The following UGT1A4 variants were observed in gnomAD, a reference collection of about 807,000 sequenced individuals.
The protein encoded by UGT1A4 is UDP-glucuronosyltransferase 1A4.
Under a neutral mutation model 41.1 loss-of-function variants are expected in UGT1A4, and 32 were observed. The ratio of observed to expected loss-of-function variants is 0.78; its 90% CI spans 0.59 to 1.05. UGT1A4 has a LOEUF of 1.05. UGT1A4 is among the 50% of genes least tolerant of loss of function. The pLI is 0.00. For synonymous variants in UGT1A4, 283 were observed against 265.1 expected (o/e 1.07, Z -0.66); for missense variants, 748 against 677.4 (o/e 1.10, Z -1.16).
At chr2:233,720,365 G>T (rs920594093) in intron 1 of UGT1A4, among the ~76,000 whole-genome samples, 1 of 152,064 alleles carries the variant, frequency 6.6e-6, no homozygotes, top group Non-Finnish European at 1.5e-5. Flanking sequence ...ATGTCAAAAG[G>T]GTCTTCTACT....
At chr2:233,763,879 G>A (rs983056292) in intron 1 of UGT1A4, among the ~76,000 whole-genome samples, 2 of 152,162 alleles carry the variant, frequency 1.3e-5, no homozygotes, top group South Asian at 2.1e-4. Flanking sequence ...CTGGGTCTGA[G>A]AAAAATAACT....
chr2:233,772,497 T>A lies in UGT1A4; in HGVS notation c.1543T>A (p.Tyr515Asn). The change falls in exon 5 of 5, where the codon TAC becomes AAC. Residue 515 changes from tyrosine to asparagine, a missense_variant. By Grantham distance (143) the Tyr-to-Asn change is moderately radical (BLOSUM62 -2). Coordinates refer to ENST00000373409, the MANE Select transcript of UGT1A4 (RefSeq NM_007120.3). ...CACCTTTAAATGTTGTGCTTATGGC[T>A]ACCGGAAATGCTTGGGGAAAAAAGG... ...FITFKCCAYGYRKCLGKKGRV... is the reference protein window; with the variant it reads ...FITFKCCAYGNRKCLGKKGRV... The A allele has an allele frequency of 6.2e-7, 1 of 1,614,126 alleles. No homozygotes were observed. The highest frequency in any genetic ancestry group is 8.5e-7 in the Non-Finnish European group (1 of 1,180,040).
intron 1 of UGT1A4, chr2:233,743,546 C>G: frequency 7.3e-7 from 1 of 1,367,310 alleles, no homozygotes; most frequent in Non-Finnish European, 9.8e-7. Flanking sequence ...CTCTGACCCC[C>G]CCAAAATATT....
chr2:233,729,567 T>C (rs764515587), intron 1 of UGT1A4: 23 of 1,614,054 alleles, frequency 1.4e-5, no homozygotes, highest in Non-Finnish European at 1.7e-5. Flanking sequence ...CTTCCTTTGA[T>C]GTGGTTTTAA....
At chr2:233,743,600 C>A in intron 1 of UGT1A4, 2 of 1,367,332 alleles carry the variant, frequency 1.5e-6, no homozygotes, top group Non-Finnish European at 2.0e-6. Flanking sequence ...TGGGTCCTGG[C>A]CGCCGAAGAA....
intron 1 of UGT1A4, chr2:233,755,057 C>G: frequency 7.5e-7 from 1 of 1,333,978 alleles, no homozygotes; most frequent in Non-Finnish European, 1.0e-6. Context: ...CCTCCGCCCT[C>G]GCCTCGCCAT....
chr2:233,750,907 A>G (rs908558459), intron 1 of UGT1A4, among the ~76,000 whole-genome samples: 1 of 151,862 alleles, frequency 6.6e-6, no homozygotes, highest in Non-Finnish European at 1.5e-5. Flanking sequence ...TCTGCTAGAG[A>G]AGGGTGGTAA....
rs377618743 is a variant in UGT1A4, at chr2:233,743,739, T to A, written c.868-23295T>A. 1.2e-4 allele frequency: 170 copies of A among 1,367,366 alleles called. 1 individual carries two copies. Among genetic ancestry groups the A allele is most frequent in the South Asian group, 2.3e-4 (20 of 88,056 alleles). 84.7% of individuals were successfully genotyped at this position (1,367,366 alleles called of 1,614,324 possible). ...TAGCGGTCATAGATATCGCGTTTCT[T>A]GGCGTCCGACAACACCTCGTAGGCC... On this transcript the variant is annotated intron_variant, in intron 1 of 4. Transcript: ENST00000373409.
intron 1 of UGT1A4, among the ~76,000 whole-genome samples, chr2:233,731,936 T>G (rs924975357): frequency 2.0e-5 from 3 of 152,218 alleles, no homozygotes; most frequent in African/African-American, 7.2e-5. Context: ...CCACATCCTC[T>G]CCAACATCTG....
Position 233,747,808 on chromosome 2 carries a change from C to T in UGT1A4, c.868-19226C>T, listed in dbSNP as rs1432471540. On this transcript the variant is annotated intron_variant, in intron 1 of 4. Coordinates refer to ENST00000373409, the MANE Select transcript of UGT1A4 (RefSeq NM_007120.3). ...TCCTCCTATATTCCTAAGTTACTAA[C>T]GACCAATTCAGACCACATGACATTC... 6.0e-5 allele frequency: 96 copies of T among 1,613,386 alleles called. No individual in the cohort carries two copies. In the South Asian group the frequency reaches 8.3e-4, roughly 14 times the overall value.
intron 2 of UGT1A4, among the ~76,000 whole-genome samples, chr2:233,767,578 TTCCCTTAAAGTGC>T (rs1361254822): frequency 6.6e-6 from 1 of 152,218 alleles, no homozygotes; most frequent in African/African-American, 2.4e-5. Context: ...TAAGCAAACT[TTCCCTTAAAGTGC>T]AGGAAAGTGA....
chr2:233,771,905 G>A (rs1048759513), intron 4 of UGT1A4, among the ~76,000 whole-genome samples: 1 of 151,250 alleles, frequency 6.6e-6, no homozygotes, highest in Non-Finnish European at 1.5e-5. Flanking sequence ...CCTTTCAGGT[G>A]ATAATAGTAA....
In UGT1A4 at chr2:233,755,021, G is replaced by A. The variant is rs1378604817; in HGVS notation, c.868-12013G>A. 6 of 1,305,166 alleles carry A rather than the reference G, an allele frequency of 4.6e-6. No individual in the cohort carries two copies. In the East Asian group the frequency reaches 2.8e-4, roughly 60 times the overall value. The allele number at this position is 1,305,166 out of a possible 1,614,324, so 80.8% of individuals were successfully genotyped here. A position where few individuals can be genotyped will look rare whatever the true frequency, so the allele number is the denominator to read the frequency against. Reference sequence around the variant, plus strand: ...TGAAGACCTACTCGAAGGGGTCCTTGAAGGGCCTGCCGCCTGCGCAGCCGC... The same window carrying A: ...TGAAGACCTACTCGAAGGGGTCCTTAAAGGGCCTGCCGCCTGCGCAGCCGC... On this transcript the variant is annotated intron_variant, in intron 1 of 4. Transcript: ENST00000373409.
intron 1 of UGT1A4, among the ~76,000 whole-genome samples, chr2:233,748,516 C>G (rs60390282): frequency 6.6e-6 from 1 of 151,670 alleles, no homozygotes; most frequent in Non-Finnish European, 1.5e-5. Flanking sequence ...TCCTGTCTTG[C>G]GAATGATAGA....
intron 1 of UGT1A4, among the ~76,000 whole-genome samples, chr2:233,750,313 G>A (rs771839306): frequency 6.6e-6 from 1 of 151,862 alleles, no homozygotes; most frequent in Non-Finnish European, 1.5e-5. Context: ...AGAGATCTGT[G>A]GAACTTTGAA....
At chr2:233,724,876 G>A (rs1425686666) in intron 1 of UGT1A4, among the ~76,000 whole-genome samples, 5 of 132,730 alleles carry the variant, frequency 3.8e-5, no homozygotes, top group South Asian at 5.6e-4. Context: ...GTAGTGAGCG[G>A]AGATCACGCC....
At chr2:233,757,560 A>ATATATATATATG (rs904896556) in intron 1 of UGT1A4, among the ~76,000 whole-genome samples, 14 of 123,154 alleles carry the variant, frequency 1.1e-4, no homozygotes, top group African/African-American at 4.8e-4. Context: ...ATATATATAT[A>ATATATATATATG]TGTATATATG....
In UGT1A4 at chr2:233,769,819, C is replaced by T. The variant is rs35283790; in HGVS notation, c.1307+1380C>T. Reference sequence around the variant, plus strand: ...GCTATGAGCCGTGATCATGCCACTGCACTCCAGCAACCTGGGCAACAGAGT... The same window carrying T: ...GCTATGAGCCGTGATCATGCCACTGTACTCCAGCAACCTGGGCAACAGAGT... On this transcript the variant is annotated intron_variant, in intron 4 of 4. Transcript: ENST00000373409. This position sits in a 1 kb window ranked among gnomAD's most constrained non-coding sequence, Gnocchi z 4.4. The T allele has an allele frequency of 0.018, 15,000 of 840,188 alleles. 224 individuals carry two copies. Among genetic ancestry groups the T allele is most frequent in the Admixed American group, 0.067 (1,978 of 29,358 alleles). The allele number at this position is 840,188 out of a possible 1,614,324, so 52.0% of individuals were successfully genotyped here.
chr2:233,760,809 A>G (rs1407366507), intron 1 of UGT1A4: 1 of 1,613,186 alleles, frequency 6.2e-7, no homozygotes, highest in South Asian at 1.1e-5. Flanking sequence ...TCTTGCATGC[A>G]CTGCCATGCA....
Sources: allele counts gnomAD v4.1 joint callset (sites outside exome capture counted in the v4.1 genomes callset), GRCh38; gene constraint gnomAD v4.1.1; non-coding constraint Gnocchi (gnomAD v3.1); transcripts MANE v1.5; gene names NCBI Gene and HGNC (gene_info 2026-07-23, HGNC 2026-07-21).